DCUN1D1: variants seen among roughly 807,000 people sequenced by gnomAD.
DCUN1D1 encodes defective in cullin neddylation 1 domain containing 1, also known as DCN1-like protein 1.
Under a neutral mutation model 39.0 loss-of-function variants are expected in DCUN1D1, and 3 were observed. That is an observed-to-expected ratio of 0.08 (90% CI 0.04 to 0.20). DCUN1D1 has a LOEUF of 0.20. DCUN1D1 is among the 10% of genes least tolerant of loss of function. The probability of loss-of-function intolerance (pLI) is 1.00; values close to 1 mark genes in which losing one functional copy is unlikely to be tolerated. For missense variants in DCUN1D1, 158 were observed against 302.4 expected, an observed-to-expected ratio of 0.52 and a Z score of 3.54; for synonymous variants, 82 against 96.3, an observed-to-expected ratio of 0.85 and a Z score of 0.87.
chr3:182,978,942 G>T (rs1201369466), intron 1 of DCUN1D1, among the ~76,000 whole-genome samples: 1 of 152,152 alleles, frequency 6.6e-6, no homozygotes, highest in Non-Finnish European at 1.5e-5. Flanking sequence ...GGGATGATGC[G>T]GATCTGGAGA....
At chr3:182,954,509 C>T (rs1484380046) in intron 4 of DCUN1D1, among the ~76,000 whole-genome samples, 2 of 152,062 alleles carry the variant, frequency 1.3e-5, no homozygotes, top group South Asian at 2.1e-4. Context: ...CTTCTGATGC[C>T]GGCAGTTTCT....
upstream of DCUN1D1, among the ~76,000 whole-genome samples, chr3:182,982,535 T>A (rs566805156): frequency 6.6e-6 from 1 of 152,172 alleles, no homozygotes; most frequent in Non-Finnish European, 1.5e-5. Flanking sequence ...CATCCACCAC[T>A]CTTCCTGCCT....
At chr3:182,975,692 A>AAC (rs1553845524) in intron 1 of DCUN1D1, among the ~76,000 whole-genome samples, 12 of 150,720 alleles carry the variant, frequency 8.0e-5, no homozygotes, top group African/African-American at 3.0e-4. Context: ...TAAAAAAAAA[A>AAC]AAAAACAAAA....
chr3:182,944,169 C>G lies in DCUN1D1; in HGVS notation c.*925G>C, dbSNP rs1353712808. 1 of 152,182 alleles carries G rather than the reference C, an allele frequency of 6.6e-6. No individual in the cohort carries two copies. The highest frequency in any genetic ancestry group is 2.1e-4 in the South Asian group (1 of 4,816). 9.4% of individuals were successfully genotyped at this position (152,182 alleles called of 1,614,324 possible). A position where few individuals can be genotyped will look rare whatever the true frequency, so the allele number is the denominator to read the frequency against. ...TGACAAAAAAAAAGTAAAAACAAAA[C>G]AAAAAAACCCTCATGCCTAAATTTA... On this transcript the variant is annotated 3_prime_UTR_variant, in exon 7 of 7. Transcript: ENST00000292782.
chr3:182,972,334 T>C (rs1292992601), intron 1 of DCUN1D1, among the ~76,000 whole-genome samples: 1 of 152,138 alleles, frequency 6.6e-6, no homozygotes, highest in Non-Finnish European at 1.5e-5. Context: ...TATGGAAATA[T>C]GTACAATTTC....
upstream of DCUN1D1, among the ~76,000 whole-genome samples, chr3:182,983,321 C>T (rs376917966): frequency 3.3e-5 from 5 of 152,332 alleles, no homozygotes; most frequent in East Asian, 5.8e-4. Flanking sequence ...CACATACTAA[C>T]TCATATAACC....
upstream of DCUN1D1, among the ~76,000 whole-genome samples, chr3:182,984,964 G>T (rs1460451732): frequency 1.3e-5 from 2 of 152,138 alleles, no homozygotes; most frequent in Admixed American, 6.5e-5. Flanking sequence ...CACTTAACTT[G>T]GGTGCTCTCA....
At chr3:182,980,433 G>A (rs1728483817) in intron 1 of DCUN1D1, 54 bp downstream of exon 1, 1 of 1,041,024 alleles carries the variant, frequency 9.6e-7, no homozygotes, top group East Asian at 8.3e-5. Flanking sequence ...GCGGGGGTGC[G>A]CGGCAGCGCC....
chr3:182,947,432 T>C (rs1012412759), intron 5 of DCUN1D1, 98 bp from the exon 6 acceptor site: 6 of 1,108,576 alleles, frequency 5.4e-6, no homozygotes, highest in East Asian at 5.0e-5. Context: ...AAAACAATTA[T>C]GTAACAAAAT....
upstream of DCUN1D1, among the ~76,000 whole-genome samples, chr3:182,984,710 A>G (rs1728671379): frequency 1.3e-5 from 2 of 152,244 alleles, no homozygotes; most frequent in African/African-American, 4.8e-5. Flanking sequence ...AAAAGCTTAA[A>G]AATTCATATT....
rs1726578212 is a variant in DCUN1D1 at position 182,949,217 on chromosome 3, G to T, written c.521-1585C>A. On this transcript the variant is annotated intron_variant, in intron 4 of 6. Coordinates refer to ENST00000292782, the MANE Select transcript of DCUN1D1 (RefSeq NM_020640.4). ...CTCTACTAAAAATACAAAAAAATTA[G>T]CTGGGCGTGGTAGCAGGCACCTGTA... 2.0e-5 allele frequency among the ~76,000 whole-genome samples: 3 copies of T among 151,950 alleles called. No individual in the cohort carries two copies. In the South Asian group the frequency reaches 6.2e-4, roughly 32 times the overall value.
At chr3:182,980,551 C>T, upstream of DCUN1D1, 3 of 1,206,892 alleles carry the variant, frequency 2.5e-6, no homozygotes, top group South Asian at 4.3e-5. Context: ...ACGGCGGCGG[C>T]GGCGGCGGCT....
In DCUN1D1 at chr3:182,940,135, T is replaced by C. The variant is rs1372362217; in HGVS notation, c.*4959A>G. The C allele has an allele frequency of 4.6e-5, 7 of 152,180 alleles. No individual in the cohort carries two copies. The highest frequency in any genetic ancestry group is 4.6e-4 in the Admixed American group (7 of 15,272). The allele number at this position is 152,180 out of a possible 1,614,324, so 9.4% of individuals were successfully genotyped here. On this transcript the variant is annotated 3_prime_UTR_variant, in exon 7 of 7. Coordinates refer to ENST00000292782, the MANE Select transcript of DCUN1D1 (RefSeq NM_020640.4). ...CATTGTCCCTTAGCCATTTCATTAA[T>C]TGGTCTTCCCCCAACCTTATGCCCT... is the stretch of plus-strand genomic sequence containing the variant.
At chr3:182,955,590 G>GTT (rs59068119) in intron 4 of DCUN1D1, 562 of 393,416 alleles carry the variant, frequency 1.4e-3, no homozygotes, top group African/African-American at 7.3e-3. Context: ...CATCAGGAGG[G>GTT]TTTTTTTTTT....
At chr3:182,972,217 G>GAA (rs541716059) in intron 1 of DCUN1D1, among the ~76,000 whole-genome samples, 21 of 147,404 alleles carry the variant, frequency 1.4e-4, no homozygotes, top group African/African-American at 4.7e-4. Flanking sequence ...TACACAGGTT[G>GAA]AAAAAAAAAA....
chr3:182,961,448 A>G (rs1362961281), intron 3 of DCUN1D1, 92 bp from the exon 4 acceptor site: 2 of 1,161,620 alleles, frequency 1.7e-6, no homozygotes, highest in Non-Finnish European at 2.5e-6. Flanking sequence ...TTTATTTCCT[A>G]GAACTACTTT....
At chr3:182,970,250 C>A (rs1485826458) in intron 1 of DCUN1D1, among the ~76,000 whole-genome samples, 1 of 150,742 alleles carries the variant, frequency 6.6e-6, no homozygotes, top group Non-Finnish European at 1.5e-5. Context: ...GGTGACAGAG[C>A]GAAATCTTAA....
chr3:182,969,456 G>A (rs150775247), intron 1 of DCUN1D1, among the ~76,000 whole-genome samples: 1 of 152,288 alleles, frequency 6.6e-6, no homozygotes, highest in East Asian at 1.9e-4. Context: ...AAAACAGATG[G>A]ATTTTTTCTC....
At chr3:182,975,501 C>CTTA (rs1316939429) in intron 1 of DCUN1D1, among the ~76,000 whole-genome samples, 1 of 151,828 alleles carries the variant, frequency 6.6e-6, no homozygotes, top group Non-Finnish European at 1.5e-5. Flanking sequence ...ATTAACTGTA[C>CTTA]CTCCAACTTT....
Sources: gnomAD v4.1 joint callset for allele counts (sites outside exome capture counted in the v4.1 genomes callset) on GRCh38, gnomAD v4.1.1 for gene constraint, MANE v1.5 for transcripts, NCBI Gene and HGNC (gene_info 2026-07-23, HGNC 2026-07-21) for gene names.